Variants in GRM4 observed in about 807,000 individuals in gnomAD.
GRM4 encodes the protein glutamate metabotropic receptor 4, also known as metabotropic glutamate receptor 4.
Under a neutral mutation model 81.7 loss-of-function variants are expected in GRM4, and 28 were observed. The ratio of observed to expected loss-of-function variants is 0.34; its 90% confidence interval spans 0.25 to 0.47. The LOEUF (loss-of-function observed/expected upper bound fraction) is 0.47. GRM4 is among the 20% of genes least tolerant of loss of function. GRM4 has a pLI of 1.00. For missense variants in GRM4, 948 were observed against 1,290.0 expected, an observed-to-expected ratio of 0.73 and a Z score of 4.06; for synonymous variants, 488 against 528.8, an observed-to-expected ratio of 0.92 and a Z score of 1.06.
In GRM4 at chr6:34,092,182, C is replaced by T; in HGVS notation, c.520-83G>A. ...GCCCCATTCCCCTACACACCAACCT[C>T]CCTTTGGTCCCCACAGCCTTGGGAC... On this transcript the variant is annotated intron_variant, in intron 2 of 10. Coordinates refer to ENST00000538487, the MANE Select transcript of GRM4 (RefSeq NM_000841.4). The surrounding 1 kb of genome is among the most constrained non-coding windows in gnomAD (Gnocchi z 6.8). The T allele has an allele frequency of 2.3e-6, 2 of 859,268 alleles. No individual in the cohort carries two copies. Among genetic ancestry groups the T allele is most frequent in the Non-Finnish European group, 3.7e-6 (2 of 537,748 alleles). 53.2% of individuals were successfully genotyped at this position (859,268 alleles called of 1,614,324 possible). A position where few individuals can be genotyped will look rare whatever the true frequency, so the allele number is the denominator to read the frequency against.
intron 6 of GRM4, among the ~76,000 whole-genome samples, chr6:34,049,813 C>T (rs1005857691): frequency 3.9e-5 from 6 of 152,080 alleles, no homozygotes; most frequent in African/African-American, 9.7e-5. Context: ...CTGACCCCTT[C>T]GCACCACCTC....
upstream of GRM4, among the ~76,000 whole-genome samples, chr6:34,150,986 A>C (rs541637265): frequency 6.6e-6 from 1 of 152,334 alleles, no homozygotes; most frequent in Non-Finnish European, 1.5e-5. Context: ...CAGAGGACGC[A>C]GGCACAGGTC....
At chr6:34,028,721 C>A (rs993500834) in intron 9 of GRM4, among the ~76,000 whole-genome samples, 1 of 152,160 alleles carries the variant, frequency 6.6e-6, no homozygotes, top group African/African-American at 2.4e-5. Flanking sequence ...TTCAGGTTAC[C>A]GCTGTTATTT....
At chr6:34,124,995 A>G (rs1411810518) in intron 2 of GRM4, among the ~76,000 whole-genome samples, 4 of 151,430 alleles carry the variant, frequency 2.6e-5, no homozygotes, top group African/African-American at 9.7e-5. Flanking sequence ...TTTTTCTGAG[A>G]CATAGTCTCG....
rs1768162964 is a variant in GRM4 at position 34,090,813 on chromosome 6, G to T, written c.736+1070C>A. 6.6e-6 allele frequency among the ~76,000 whole-genome samples: 1 copy of T among 152,118 alleles called. No individual in the cohort carries two copies. The highest frequency in any genetic ancestry group is 6.5e-5 in the Admixed American group (1 of 15,276). On this transcript the variant is annotated intron_variant, in intron 3 of 10. Transcript: ENST00000538487. The surrounding 1 kb of genome is among the most constrained non-coding windows in gnomAD (Gnocchi z 5.2). ...GCAATTAGAGTCCTGAGGCCATGAG[G>T]GTATAAATATACAGACGCCATCACC...
chr6:34,037,646 T>C (rs1193701289), intron 8 of GRM4, among the ~76,000 whole-genome samples: 5 of 151,926 alleles, frequency 3.3e-5, no homozygotes, highest in Admixed American at 6.6e-5. Context: ...GGGAGGATCA[T>C]GAGGTCAAGA....
chr6:34,097,564 C>T (rs146609045), intron 2 of GRM4, among the ~76,000 whole-genome samples: 32 of 152,358 alleles, frequency 2.1e-4, no homozygotes, highest in Non-Finnish European at 3.2e-4. Context: ...ATGCTGATAC[C>T]GGCTAGCACA....
chr6:34,102,040 G>A, intron 2 of GRM4: 1 of 1,535,572 alleles, frequency 6.5e-7, no homozygotes, highest in Non-Finnish European at 8.7e-7. Flanking sequence ...CACCCCCAAA[G>A]CATGGCCCTG....
Position 34,114,734 on chromosome 6 carries a change from C to G in GRM4, c.519+18244G>C, listed in dbSNP as rs1769518944. ...CCTTGTCAGAACTGCCCTCGCCCTC[C>G]TCTGAGCCCCTAGACCCTCACCTGT... On this transcript the variant is annotated intron_variant, in intron 2 of 10. Coordinates refer to ENST00000538487, the MANE Select transcript of GRM4 (RefSeq NM_000841.4). This position sits in a 1 kb window ranked among gnomAD's most constrained non-coding sequence, Gnocchi z 4.3. Among the ~76,000 whole-genome samples, 1 of 152,130 alleles carries G rather than the reference C, an allele frequency of 6.6e-6. No individual in the cohort carries two copies. Among genetic ancestry groups the G allele is most frequent in the Non-Finnish European group, 1.5e-5 (1 of 68,030 alleles).
intron 10 of GRM4, chr6:34,024,637 A>G (rs560456004): frequency 2.2e-6 from 1 of 455,890 alleles, no homozygotes; most frequent in South Asian, 1.5e-5. Context: ...GGAGGCATGA[A>G]GGTCAGGGTC....
chr6:34,124,017 C>T (rs1218074642), intron 2 of GRM4, among the ~76,000 whole-genome samples: 1 of 152,216 alleles, frequency 6.6e-6, no homozygotes, highest in Admixed American at 6.5e-5. Flanking sequence ...TCACAGGGAG[C>T]TCTCACCTCC....
rs899257852 is a variant in GRM4, at chr6:34,080,237, C to T, written c.736+11646G>A. On this transcript the variant is annotated intron_variant, in intron 3 of 10. Coordinates refer to ENST00000538487, the MANE Select transcript of GRM4 (RefSeq NM_000841.4). The surrounding 1 kb of genome is among the most constrained non-coding windows in gnomAD (Gnocchi z 5.4). Reference sequence around the variant, plus strand: ...CCCTGCAGAAAGCCAGGGTGAGGACCGAAAGGCCGTCAACCTTGCAGGGAA... The same window carrying T: ...CCCTGCAGAAAGCCAGGGTGAGGACTGAAAGGCCGTCAACCTTGCAGGGAA... Among the ~76,000 whole-genome samples, 3 of 152,186 alleles carry T rather than the reference C, an allele frequency of 2.0e-5. No individual in the cohort carries two copies. Among genetic ancestry groups the T allele is most frequent in the Non-Finnish European group, 2.9e-5 (2 of 68,036 alleles).
intron 2 of GRM4, chr6:34,110,776 G>A: frequency 1.4e-6 from 2 of 1,441,960 alleles, no homozygotes; most frequent in Non-Finnish European, 1.8e-6. Flanking sequence ...AGATCAAAGT[G>A]GTGCCCCTCC....
Position 34,056,546 on chromosome 6 carries a change from G to GTGCACT in GRM4, c.1160_1165dup (p.Lys387_Cys388dup). On this transcript the variant is annotated inframe_insertion, in exon 6 of 11. Transcript: ENST00000538487. ...CCCTGCCCGGCCCGCGTGCTCACTGGTGCACTTCTTGACGTGGCTGCCCTT... is the reference window on the plus strand; with the variant it reads ...CCCTGCCCGGCCCGCGTGCTCACTGGTGCACTTGCACTTCTTGACGTGGCTGCCCTT... The GTGCACT allele has an allele frequency of 6.2e-7, 1 of 1,612,576 alleles. No individual in the cohort carries two copies. Among genetic ancestry groups the GTGCACT allele is most frequent in the Non-Finnish European group, 8.5e-7 (1 of 1,179,582 alleles).
At chr6:34,085,551 G>A (rs1767838851) in intron 3 of GRM4, among the ~76,000 whole-genome samples, 1 of 152,188 alleles carries the variant, frequency 6.6e-6, no homozygotes, top group South Asian at 2.1e-4. Flanking sequence ...CCCCTCTGTA[G>A]GCTGAGAGAG....
chr6:34,141,759 A>G (rs1226118651), intron 1 of GRM4, among the ~76,000 whole-genome samples: 1 of 152,160 alleles, frequency 6.6e-6, no homozygotes, highest in African/African-American at 2.4e-5. Context: ...AGTTCCATTG[A>G]CATGCCTCCC....
At chr6:34,083,372 C>T (rs1456138140) in intron 3 of GRM4, among the ~76,000 whole-genome samples, 1 of 152,230 alleles carries the variant, frequency 6.6e-6, no homozygotes, top group African/African-American at 2.4e-5. Context: ...ATCTTCACAA[C>T]AGAACAGAGA....
chr6:34,033,949 G>A (rs1764569644), intron 9 of GRM4, among the ~76,000 whole-genome samples: 2 of 152,164 alleles, frequency 1.3e-5, no homozygotes, highest in African/African-American at 4.8e-5. Flanking sequence ...ATGTTGGTCA[G>A]GCTGGTCTCG....
rs895691448 is a variant in GRM4, at chr6:34,042,875, C to A, written c.1169-2127G>T. ...CTAATCCTGGCCACACCAGTGGCCA[C>A]ACCCACACAAGGATGTGGGGATGGG... On this transcript the variant is annotated intron_variant, in intron 6 of 10. Transcript: ENST00000538487. This position sits in a 1 kb window ranked among gnomAD's most constrained non-coding sequence, Gnocchi z 4.2. 1.3e-5 allele frequency among the ~76,000 whole-genome samples: 2 copies of A among 152,224 alleles called. No homozygotes were observed. Among genetic ancestry groups the A allele is most frequent in the Admixed American group, 1.3e-4 (2 of 15,288 alleles).
Sources: gnomAD v4.1 joint callset for allele counts (sites outside exome capture counted in the v4.1 genomes callset) on GRCh38, gnomAD v4.1.1 for gene constraint, Gnocchi (gnomAD v3.1) non-coding constraint, MANE v1.5 for transcripts, NCBI Gene and HGNC (gene_info 2026-07-23, HGNC 2026-07-21) for gene names.